The following ANO1 variants were observed in gnomAD, a reference collection of about 807,000 sequenced individuals.
The protein encoded by ANO1 is anoctamin-1.
Under a neutral mutation model 124.0 loss-of-function variants are expected in ANO1, and 59 were observed. That is an observed-to-expected ratio of 0.48 (90% CI 0.39 to 0.59). The LOEUF (loss-of-function observed/expected upper bound fraction) is 0.59. Among genes scored for constraint, ANO1 ranks in the 20% least tolerant of loss-of-function variants. The pLI is 0.00. For synonymous variants in ANO1, 529 were observed against 532.0 expected (o/e 0.99, Z 0.08); for missense variants, 1,059 against 1,328.0 (o/e 0.80, Z 3.15).
the ANO1 span, among the ~76,000 whole-genome samples, chr11:69,975,451 G>A: frequency 6.6e-6 from 1 of 152,260 alleles, no homozygotes; most frequent in Non-Finnish European, 1.5e-5. Context: ...AGCGGGGGAT[G>A]AGGGAGCTGG....
upstream of ANO1, among the ~76,000 whole-genome samples, chr11:69,981,670 T>G (rs1554996227): frequency 6.6e-6 from 1 of 152,120 alleles, no homozygotes; most frequent in Non-Finnish European, 1.5e-5. Context: ...CCTCCAGCCC[T>G]CCTCTCCCGC....
intron 11 of ANO1, among the ~76,000 whole-genome samples, chr11:70,137,159 T>C (rs1339934251): frequency 6.8e-6 from 1 of 147,288 alleles, no homozygotes; most frequent in African/African-American, 2.4e-5. Flanking sequence ...ATTATAAATG[T>C]AGGGTCAGCA....
At chr11:70,041,935 G>A (rs1334564251) in intron 1 of ANO1, among the ~76,000 whole-genome samples, 5 of 152,100 alleles carry the variant, frequency 3.3e-5, no homozygotes, top group African/African-American at 1.2e-4. Flanking sequence ...CAATAAGCAT[G>A]CCTATTTACT....
chr11:69,984,183 T>A (rs1855983485), upstream of ANO1, among the ~76,000 whole-genome samples: 1 of 152,194 alleles, frequency 6.6e-6, no homozygotes. Flanking sequence ...TTCTGCACAA[T>A]GGTCAGATGG....
At chr11:70,007,061 G>T (rs1856505822) in intron 1 of ANO1, among the ~76,000 whole-genome samples, 1 of 152,072 alleles carries the variant, frequency 6.6e-6, no homozygotes, top group African/African-American at 2.4e-5. Flanking sequence ...TGTGCATACT[G>T]AAACTCTGTA....
chr11:70,102,697 C>T (rs778496779), intron 2 of ANO1, among the ~76,000 whole-genome samples: 2 of 152,202 alleles, frequency 1.3e-5, no homozygotes, highest in Non-Finnish European at 2.9e-5. Flanking sequence ...GGGGCCTGGG[C>T]TCTGCATCCT....
At chr11:70,115,252 TGAGGGGA>T (rs2045932139) in intron 7 of ANO1, among the ~76,000 whole-genome samples, 1 of 152,098 alleles carries the variant, frequency 6.6e-6, no homozygotes, top group South Asian at 2.1e-4. Flanking sequence ...AAGTTGCTGG[TGAGGGGA>T]GAGGGCACTG....
intron 12 of ANO1, 31 bp from the exon 13 acceptor site, chr11:70,152,418 GT>G: frequency 1.2e-6 from 2 of 1,605,952 alleles, no homozygotes; most frequent in South Asian, 2.2e-5. Flanking sequence ...ACATCTTTGT[GT>G]TTTTGTTTTT....
chr11:70,063,345 C>T (rs148524784), intron 1 of ANO1, among the ~76,000 whole-genome samples: 36 of 152,306 alleles, frequency 2.4e-4, no homozygotes, highest in Non-Finnish European at 3.8e-4. Context: ...CCAGACCTGT[C>T]ATCTTATCAG....
At chr11:70,026,851 G>T (rs1379561363) in intron 1 of ANO1, among the ~76,000 whole-genome samples, 1 of 152,184 alleles carries the variant, frequency 6.6e-6, no homozygotes, top group Non-Finnish European at 1.5e-5. Flanking sequence ...CAGGGCGTTT[G>T]CCTTTCACTC....
chr11:70,079,925 GC>G (rs1233982726), intron 1 of ANO1, among the ~76,000 whole-genome samples: 3 of 152,224 alleles, frequency 2.0e-5, no homozygotes, highest in Non-Finnish European at 2.9e-5. Flanking sequence ...ATTGCACAGA[GC>G]TGCCAGGAGC....
intron 1 of ANO1, among the ~76,000 whole-genome samples, chr11:69,996,941 C>T (rs1215761873): frequency 2.0e-5 from 3 of 152,178 alleles, no homozygotes; most frequent in Admixed American, 6.5e-5. Flanking sequence ...TCACCTGGAA[C>T]ACAAAGATCC....
intron 22 of ANO1, among the ~76,000 whole-genome samples, chr11:70,175,436 C>T (rs1311089905): frequency 2.0e-5 from 3 of 152,248 alleles, no homozygotes; most frequent in Non-Finnish European, 2.9e-5. Context: ...ACAGAGAGGG[C>T]CCCTGTGGCC....
At chr11:70,022,862 A>G (rs1555002756) in intron 1 of ANO1, among the ~76,000 whole-genome samples, 2 of 152,156 alleles carry the variant, frequency 1.3e-5, no homozygotes, top group Non-Finnish European at 2.9e-5. Flanking sequence ...GCCCCAGACT[A>G]TCTGGTGGGC....
chr11:70,066,036 G>A (rs781889139), intron 1 of ANO1, among the ~76,000 whole-genome samples: 4 of 152,328 alleles, frequency 2.6e-5, no homozygotes, highest in Admixed American at 6.5e-5. Flanking sequence ...CTGCCTCCCC[G>A]CTGGAAGGTA....
intron 6 of ANO1, 141 bp downstream of exon 6, chr11:70,108,545 A>G: frequency 1.1e-6 from 1 of 925,044 alleles, no homozygotes; most frequent in Non-Finnish European, 1.7e-6. Flanking sequence ...AGTTCCAGAC[A>G]AGAGGGCTGG....
chr11:70,074,002 G>A (rs896920822), upstream of ANO1, among the ~76,000 whole-genome samples: 7 of 152,076 alleles, frequency 4.6e-5, no homozygotes, highest in Non-Finnish European at 1.0e-4. Context: ...CAGTGGTCCC[G>A]TCTCCCGCCC....
upstream of ANO1, among the ~76,000 whole-genome samples, chr11:69,983,694 CT>C (rs782390397): frequency 4.6e-5 from 7 of 152,194 alleles, no homozygotes; most frequent in Non-Finnish European, 8.8e-5. Context: ...CGAGAGCAAT[CT>C]TTTTAAAAAT....
At chr11:70,180,576 C>T (rs1162427895) in intron 23 of ANO1, among the ~76,000 whole-genome samples, 1 of 152,098 alleles carries the variant, frequency 6.6e-6, no homozygotes. Flanking sequence ...CCCAGCCTTT[C>T]TGCAAGCTTT....
Sources: gnomAD v4.1 joint callset for allele counts (sites outside exome capture counted in the v4.1 genomes callset) on GRCh38, gnomAD v4.1.1 for gene constraint, MANE v1.5 for transcripts, NCBI Gene and HGNC (gene_info 2026-07-23, HGNC 2026-07-21) for gene names.